The following PARD3 variants were observed in gnomAD, a reference collection of about 807,000 sequenced individuals.
The protein encoded by PARD3 is partitioning defective 3 homolog.
In PARD3, 75 loss-of-function variants were observed where a neutral mutation model predicts 155.4. The observed-to-expected ratio is 0.48, with a 90% CI of 0.40 to 0.58. PARD3 has a LOEUF of 0.58. Ranked by LOEUF, PARD3 falls within the 20% of genes least tolerant of loss-of-function variation. The pLI, the probability that PARD3 is intolerant of heterozygous loss-of-function variation, is 0.00. For missense variants in PARD3, 1,642 were observed against 1,721.7 expected (o/e 0.95, Z 0.82); for synonymous variants, 576 against 610.5 (o/e 0.94, Z 0.83).
chr10:34,763,895 T>C (rs1837767697), intron 1 of PARD3, among the ~76,000 whole-genome samples: 1 of 152,228 alleles, frequency 6.6e-6, no homozygotes, highest in Non-Finnish European at 1.5e-5. Context: ...TTGAAATAAA[T>C]TCAAATGACT....
At chr10:34,130,187 C>T (rs1440203551) in intron 23 of PARD3, among the ~76,000 whole-genome samples, 1 of 152,136 alleles carries the variant, frequency 6.6e-6, no homozygotes, top group African/African-American at 2.4e-5. Flanking sequence ...AAAAAATACA[C>T]TGTTTTGACC....
chr10:34,560,338 G>A (rs556508175), intron 2 of PARD3, among the ~76,000 whole-genome samples: 9 of 152,070 alleles, frequency 5.9e-5, no homozygotes, highest in South Asian at 2.1e-4. Flanking sequence ...TCAGAACACC[G>A]CCGTGCAGAA....
intron 22 of PARD3, among the ~76,000 whole-genome samples, chr10:34,182,242 C>A (rs561710600): frequency 6.6e-6 from 1 of 152,298 alleles, no homozygotes; most frequent in Admixed American, 6.5e-5. Context: ...GCAGCTCCAG[C>A]AAGGACGGGC....
intron 24 of PARD3, among the ~76,000 whole-genome samples, chr10:34,112,140 C>A (rs1358038266): frequency 6.6e-6 from 1 of 152,258 alleles, no homozygotes; most frequent in African/African-American, 2.4e-5. Context: ...AAAGCTCTGG[C>A]TTTCAAGTTG....
intron 18 of PARD3, among the ~76,000 whole-genome samples, chr10:34,333,239 T>C (rs1255966897): frequency 1.3e-5 from 2 of 152,106 alleles, no homozygotes; most frequent in East Asian, 3.9e-4. Flanking sequence ...ATAAAGCTTT[T>C]CTTTGTGTAA....
intron 22 of PARD3, among the ~76,000 whole-genome samples, chr10:34,242,199 A>G (rs1483309017): frequency 6.6e-6 from 1 of 152,144 alleles, no homozygotes; most frequent in Non-Finnish European, 1.5e-5. Context: ...GTACAGCTTT[A>G]TGTTTTTATG....
At chr10:34,129,950 T>C (rs1293507492) in intron 23 of PARD3, among the ~76,000 whole-genome samples, 1 of 151,362 alleles carries the variant, frequency 6.6e-6, no homozygotes, top group Non-Finnish European at 1.5e-5. Context: ...GGTGATGGTA[T>C]GAGCCACCAT....
At chr10:34,549,706 A>C (rs2084381083) in intron 2 of PARD3, among the ~76,000 whole-genome samples, 1 of 152,126 alleles carries the variant, frequency 6.6e-6, no homozygotes, top group African/African-American at 2.4e-5. Flanking sequence ...ACTATTTTTA[A>C]AATTTTCATG....
chr10:34,739,422 A>G (rs1317204046), intron 1 of PARD3, among the ~76,000 whole-genome samples: 3 of 152,230 alleles, frequency 2.0e-5, no homozygotes, highest in Non-Finnish European at 2.9e-5. Flanking sequence ...GGGATCAACC[A>G]TATCAAGTAC....
At chr10:34,482,755 T>C (rs1293367812) in intron 3 of PARD3, among the ~76,000 whole-genome samples, 1 of 151,402 alleles carries the variant, frequency 6.6e-6, no homozygotes, top group Non-Finnish European at 1.5e-5. Flanking sequence ...ACCAGGGGAA[T>C]ATAAGGTGGA....
intron 16 of PARD3, 57 bp downstream of exon 16, chr10:34,341,570 A>G (rs1836836257): frequency 1.4e-6 from 2 of 1,422,604 alleles, no homozygotes; most frequent in Non-Finnish European, 1.9e-6. Context: ...AAGCCACTTA[A>G]ACATAAAATG....
chr10:34,200,994 G>C (rs1023922346), intron 22 of PARD3, among the ~76,000 whole-genome samples: 18 of 152,154 alleles, frequency 1.2e-4, no homozygotes, highest in Admixed American at 2.6e-4. Flanking sequence ...GTATGTGTGA[G>C]TGCCTGTGTA....
intron 21 of PARD3, among the ~76,000 whole-genome samples, chr10:34,279,728 A>T (rs1183821399): frequency 1.3e-5 from 2 of 152,170 alleles, no homozygotes; most frequent in Non-Finnish European, 2.9e-5. Context: ...AATCCACATA[A>T]ACTTGCAAAA....
chr10:34,562,512 C>T (rs1461142090), intron 2 of PARD3, among the ~76,000 whole-genome samples: 1 of 152,102 alleles, frequency 6.6e-6, no homozygotes, highest in Non-Finnish European at 1.5e-5. Context: ...TCAGCAGCAC[C>T]GAGCTCACAT....
chr10:34,299,312 C>T (rs1335334261), intron 20 of PARD3, among the ~76,000 whole-genome samples: 1 of 152,206 alleles, frequency 6.6e-6, no homozygotes, highest in East Asian at 1.9e-4. Context: ...AAACAACAAT[C>T]CATGAGTCAG....
intron 5 of PARD3, among the ~76,000 whole-genome samples, chr10:34,415,464 C>A (rs980741222): frequency 1.3e-5 from 2 of 152,126 alleles, no homozygotes; most frequent in African/African-American, 4.8e-5. Context: ...CAGATTATTG[C>A]TTTTATATGT....
intron 2 of PARD3, among the ~76,000 whole-genome samples, chr10:34,611,525 T>G (rs2090889843): frequency 6.6e-6 from 1 of 152,122 alleles, no homozygotes. Flanking sequence ...CCTTTTAAAT[T>G]TAATTTCAAA....
At chr10:34,717,720 G>C (rs1456925824) in intron 1 of PARD3, among the ~76,000 whole-genome samples, 1 of 152,176 alleles carries the variant, frequency 6.6e-6, no homozygotes, top group African/African-American at 2.4e-5. Flanking sequence ...TACTCTGACA[G>C]CAGCTGGGGA....
In PARD3 at chr10:34,814,999, G is replaced by C. The variant is rs1466620511; in HGVS notation, c.-4C>G. 1.4e-6 allele frequency: 2 copies of C among 1,476,410 alleles called. No individual in the cohort carries two copies. The highest frequency in any genetic ancestry group is 1.8e-6 in the Non-Finnish European group (2 of 1,111,354). 91.5% of individuals were successfully genotyped at this position (1,476,410 alleles called of 1,614,324 possible). On this transcript the variant is annotated 5_prime_UTR_variant, in exon 1 of 25. Transcript: ENST00000374788. ...CGAAGCACACGGTCACTTTCATGCCGCCGCCGCCGCGGGCGGGCCCGCGCC... is the reference window on the plus strand; with the variant it reads ...CGAAGCACACGGTCACTTTCATGCCCCCGCCGCCGCGGGCGGGCCCGCGCC...
Sources: gnomAD v4.1 joint callset for allele counts (sites outside exome capture counted in the v4.1 genomes callset) on GRCh38, gnomAD v4.1.1 for gene constraint, MANE v1.5 for transcripts, NCBI Gene and HGNC (gene_info 2026-07-23, HGNC 2026-07-21) for gene names.